Variants in SMN1 observed in about 807,000 individuals in gnomAD.
SMN1 encodes survival of motor neuron 1, telomeric.
For missense variants in SMN1, 15 were observed against 17.1 expected, an observed-to-expected ratio of 0.88 and a Z score of 0.22; for synonymous variants, 3 against 5.1, an observed-to-expected ratio of 0.58 and a Z score of 0.56.
At chr5:70,951,071 G>A (rs1160788006) in intron 7 of SMN1, among the ~76,000 whole-genome samples, 1 of 151,860 alleles carries the variant, frequency 6.6e-6, no homozygotes, top group Non-Finnish European at 1.5e-5. Flanking sequence ...ACTGTGACCG[G>A]CAATGTTTTT....
chr5:70,951,091 A>T (rs186523418), intron 7 of SMN1, among the ~76,000 whole-genome samples: 6,053 of 151,096 alleles, frequency 0.04, 4 homozygotes, highest in African/African-American at 0.14. Flanking sequence ...TAAATTTTTT[A>T]AATTTAAATT....
chr5:70,952,181 T>C lies in SMN1; in HGVS notation c.*3+187T>C. The C allele has an allele frequency of 4.0e-6, 6 of 1,483,066 alleles. No homozygotes were observed. The South Asian group carries it at 8.4e-5, about 21-fold the overall frequency. The allele number at this position is 1,483,066 out of a possible 1,614,324, so 91.9% of individuals were successfully genotyped here. ...ATAAAAGGTTAATCTACATCCCTAC[T>C]AGAATTCTCATACTTAACTGGTTGG... On this transcript the variant is annotated intron_variant, in intron 8 of 8. Coordinates refer to ENST00000380707, the MANE Select transcript of SMN1 (RefSeq NM_000344.4).
chr5:70,957,481 G>T (rs1258159234), downstream of SMN1, among the ~76,000 whole-genome samples: 1 of 147,742 alleles, frequency 6.8e-6, no homozygotes, highest in African/African-American at 2.5e-5. Context: ...ATTATTTTGA[G>T]ATACGTCCCA....
At chr5:70,951,150 A>G (rs1436352871) in intron 7 of SMN1, among the ~76,000 whole-genome samples, 2 of 151,548 alleles carry the variant, frequency 1.3e-5, no homozygotes, top group Non-Finnish European at 2.9e-5. Flanking sequence ...CTGGAGTGCA[A>G]GGGCACATTC....
At chr5:70,944,512 TG>T in intron 5 of SMN1, 145 bp from the exon 6 acceptor site, 1 of 176,594 alleles carries the variant, frequency 5.7e-6, no homozygotes, top group South Asian at 4.5e-5. Flanking sequence ...CTTCAGGATT[TG>T]GTACATGAAA....
In SMN1 at chr5:70,945,571, C is replaced by CTGTGTG. The variant is rs551335741; in HGVS notation, c.724-471_724-466dup. 2.4e-4 allele frequency among the ~76,000 whole-genome samples: 25 copies of CTGTGTG among 105,624 alleles called. 4 individuals are homozygous for CTGTGTG. The highest frequency in any genetic ancestry group is 1.2e-3 in the East Asian group (5 of 4,092). The allele number at this position is 105,624 out of a possible 152,430, so 69.3% of individuals were successfully genotyped here. Reference sequence around the variant, plus strand: ...AATCGCCCTCGAAATGCTATGTGAGCTGTGTGTGTGTGTGTGTGTGTGTGT... The same window carrying CTGTGTG: ...AATCGCCCTCGAAATGCTATGTGAGCTGTGTGTGTGTGTGTGTGTGTGTGTGTGTGT... On this transcript the variant is annotated intron_variant, in intron 6 of 8. Transcript: ENST00000380707.
At chr5:70,955,675 C>CTG (rs1335610748), downstream of SMN1, among the ~76,000 whole-genome samples, 1 of 147,532 alleles carries the variant, frequency 6.8e-6, no homozygotes, top group African/African-American at 2.6e-5. Context: ...ATCCCAGCTA[C>CTG]TGGAGAGGCT....
the SMN1 span, among the ~76,000 whole-genome samples, chr5:70,959,172 C>T: frequency 1.3e-5 from 2 of 148,790 alleles, no homozygotes; most frequent in Admixed American, 6.8e-5. Context: ...AACCAAACAC[C>T]GCATGTTCTC....
chr5:70,960,469 G>A, the SMN1 span, among the ~76,000 whole-genome samples: 237 of 147,912 alleles, frequency 1.6e-3, 2 homozygotes, highest in African/African-American at 5.7e-3. Flanking sequence ...TGTCCTTTTC[G>A]AAAGCAGTTT....
chr5:70,960,217 T>G, the SMN1 span, among the ~76,000 whole-genome samples: 1 of 149,948 alleles, frequency 6.7e-6, no homozygotes, highest in African/African-American at 2.4e-5. Flanking sequence ...TTTGTTTTTA[T>G]TTTCAGAGTT....
At chr5:70,943,747 T>C in intron 5 of SMN1, among the ~76,000 whole-genome samples, 1 of 138,612 alleles carries the variant, frequency 7.2e-6, no homozygotes, top group African/African-American at 2.5e-5. Context: ...AGTTCTTTTG[T>C]GTAAAGCGGT....
At chr5:70,963,966 C>T in the SMN1 span, among the ~76,000 whole-genome samples, 3 of 106,268 alleles carry the variant, frequency 2.8e-5, no homozygotes, top group African/African-American at 1.0e-4. Context: ...CTCACTGCAA[C>T]CTCTGCCTCC....
chr5:70,944,418 ATTTTG>A (rs1308932385), intron 5 of SMN1: 4 of 214,300 alleles, frequency 1.9e-5, no homozygotes, highest in African/African-American at 8.4e-5. Flanking sequence ...CACCACTCTT[ATTTTG>A]TTTTACTTCC....
downstream of SMN1, among the ~76,000 whole-genome samples, chr5:70,957,437 G>T (rs1749931629): frequency 6.9e-6 from 1 of 143,926 alleles, no homozygotes; most frequent in Admixed American, 7.1e-5. Context: ...CATTCAGTAT[G>T]ATATTGGCTG....
downstream of SMN1, among the ~76,000 whole-genome samples, chr5:70,958,700 C>A (rs1561505865): frequency 1.5e-5 from 2 of 134,690 alleles, no homozygotes; most frequent in African/African-American, 5.4e-5. Context: ...AATTTCTGTT[C>A]TTTTACGTTT....
chr5:70,955,360 G>C (rs1749879939), downstream of SMN1, among the ~76,000 whole-genome samples: 2 of 144,634 alleles, frequency 1.4e-5, no homozygotes, highest in African/African-American at 5.1e-5. Flanking sequence ...CCCACCTCGG[G>C]CTCCCAAAGT....
the SMN1 span, among the ~76,000 whole-genome samples, chr5:70,959,085 G>T: frequency 2.7e-5 from 4 of 150,526 alleles, 1 homozygote; most frequent in Non-Finnish European, 5.9e-5. Context: ...CATAAGAAAT[G>T]ATGAGTTCAT....
chr5:70,951,385 T>C (rs1156298255), intron 7 of SMN1, among the ~76,000 whole-genome samples: 2 of 152,034 alleles, frequency 1.3e-5, no homozygotes, highest in East Asian at 3.9e-4. Context: ...GTGATTCTCC[T>C]GCCTCAGCCT....
chr5:70,952,329 A>C, intron 8 of SMN1, 110 bp from the exon 9 acceptor site: 1 of 1,198,844 alleles, frequency 8.3e-7, no homozygotes, highest in Non-Finnish European at 1.1e-6. Context: ...GGCATACTGC[A>C]CTGTACACTC....
Sources: allele counts gnomAD v4.1 joint callset (sites outside exome capture counted in the v4.1 genomes callset), GRCh38; gene constraint gnomAD v4.1.1; transcripts MANE v1.5; gene names NCBI Gene and HGNC (gene_info 2026-07-23, HGNC 2026-07-21).